COL4A6: variants seen among roughly 807,000 people sequenced by gnomAD.
COL4A6 encodes the protein collagen alpha-6(IV) chain.
In COL4A6, 59 loss-of-function variants were observed where a neutral mutation model predicts 126.7. That is an observed-to-expected ratio of 0.47 (90% CI 0.38 to 0.58). The LOEUF (loss-of-function observed/expected upper bound fraction) is 0.58. Among genes scored for constraint, COL4A6 ranks in the 20% least tolerant of loss-of-function variants. COL4A6 has a pLI of 0.00. For synonymous variants in COL4A6, 547 were observed against 496.6 expected (o/e 1.10, Z -1.35); for missense variants, 1,285 against 1,337.3 (o/e 0.96, Z 0.61).
chrX:108,259,203 A>G (rs1249443178), intron 3 of COL4A6, among the ~76,000 whole-genome samples: 1 of 111,086 alleles, frequency 9.0e-6, no homozygotes, highest in African/African-American at 3.3e-5. Context: ...AAGACCCCAC[A>G]GTTAATCCCA....
chrX:108,201,119 C>A (rs1165885297), intron 13 of COL4A6, among the ~76,000 whole-genome samples: 1 of 111,425 alleles, frequency 9.0e-6, no homozygotes, highest in Non-Finnish European at 1.9e-5. Flanking sequence ...TAATAAGAAT[C>A]ATCATAGAAG....
chrX:108,311,012 A>G (rs2038747774), intron 2 of COL4A6, among the ~76,000 whole-genome samples, 184 bp from the exon 3 acceptor site: 2 of 112,341 alleles, frequency 1.8e-5, no homozygotes, highest in African/African-American at 6.5e-5. Context: ...GTTCAGGTCT[A>G]TACCTTATCA....
Position 108,205,718 on chromosome X carries a change from A to G in COL4A6, c.610-23T>C, listed in dbSNP as rs779698091. 6 of 1,185,057 alleles carry G rather than the reference A, an allele frequency of 5.1e-6. No homozygotes were observed. The South Asian group carries it at 7.2e-5, about 14-fold the overall frequency. On this transcript the variant is annotated intron_variant, in intron 9 of 44. Transcript: ENST00000334504. ...ACCCTAGATTTTTTTTAAAAATAAG[A>G]AAGAGTTAGCACTTGTTAGTTTCAG...
chrX:108,309,521 A>G (rs972750253), intron 3 of COL4A6, among the ~76,000 whole-genome samples: 12 of 111,113 alleles, frequency 1.1e-4, no homozygotes, highest in Admixed American at 2.9e-4. Flanking sequence ...GAATAGATCT[A>G]GTCCCCTTTG....
intron 13 of COL4A6, among the ~76,000 whole-genome samples, chrX:108,199,016 T>C (rs1010396520): frequency 9.0e-6 from 1 of 111,144 alleles, no homozygotes; most frequent in East Asian, 2.8e-4. Context: ...TGTGAGTGTG[T>C]TGCTGGAGAC....
intron 3 of COL4A6, among the ~76,000 whole-genome samples, chrX:108,230,272 G>A (rs1320125341): frequency 8.9e-6 from 1 of 111,794 alleles, no homozygotes. Flanking sequence ...ACATAATTGT[G>A]GGGAAAATGC....
chrX:108,279,089 T>G (rs184738138), intron 3 of COL4A6, among the ~76,000 whole-genome samples: 3,296 of 111,451 alleles, frequency 0.03, 118 homozygotes, highest in African/African-American at 0.1. Flanking sequence ...ATCAACTAAC[T>G]AGCAAAATAA....
intron 2 of COL4A6, among the ~76,000 whole-genome samples, chrX:108,343,165 A>ATATATAGTGT (rs1377817612): frequency 3.5e-4 from 11 of 31,414 alleles, no homozygotes; most frequent in East Asian, 1.3e-3. Flanking sequence ...ATATATATAT[A>ATATATAGTGT]GTGTGTGTGT....
chrX:108,242,343 G>T (rs1014416215), intron 3 of COL4A6, among the ~76,000 whole-genome samples: 1 of 111,437 alleles, frequency 9.0e-6, no homozygotes, highest in Non-Finnish European at 1.9e-5. Flanking sequence ...TCCATTGCCA[G>T]ATCTTTTTCA....
Position 108,175,731 on chromosome X carries a change from G to C in COL4A6, c.2753C>G (p.Thr918Arg), listed in dbSNP as rs1268332100. 1 of 1,195,903 alleles carries C rather than the reference G, an allele frequency of 8.4e-7. No individual in the cohort carries two copies. The highest frequency in any genetic ancestry group is 1.1e-6 in the Non-Finnish European group (1 of 882,554). Residue 918 changes from threonine to arginine, a missense_variant, in exon 29 of 45, where the codon ACA (threonine) becomes AGA (arginine). Physicochemically the swap from Thr to Arg is moderately conservative, Grantham distance 71. Coordinates refer to ENST00000334504, the MANE Select transcript of COL4A6 (RefSeq NM_033641.4). ...GIPGLPGIPG[T>R]RGLKGIPGST... is the part of the protein sequence containing the mutation. Reference sequence around the variant, plus strand: ...TCCTGGAATTCCTTTTAATCCTCTTGTTCCAGGAATACCAGGCAGACCTGG... The same window carrying C: ...TCCTGGAATTCCTTTTAATCCTCTTCTTCCAGGAATACCAGGCAGACCTGG...
intron 3 of COL4A6, among the ~76,000 whole-genome samples, chrX:108,298,778 C>G (rs753703898): frequency 9.1e-6 from 1 of 109,380 alleles, no homozygotes; most frequent in Non-Finnish European, 1.9e-5. Context: ...TCTGGTGCCT[C>G]CAAGGGACCT....
At chrX:108,339,775 G>A (rs775985350) in intron 2 of COL4A6, among the ~76,000 whole-genome samples, 15 of 111,269 alleles carry the variant, frequency 1.3e-4, no homozygotes, top group African/African-American at 4.9e-4. Context: ...CTTAGCCTCC[G>A]TTTAATCTTT....
intron 3 of COL4A6, among the ~76,000 whole-genome samples, chrX:108,270,892 C>T (rs980439960): frequency 2.7e-5 from 3 of 110,920 alleles, no homozygotes; most frequent in Admixed American, 9.6e-5. Context: ...CCCGAGGATC[C>T]ATCCCAATGA....
chrX:108,362,078 TGTGAGA>T (rs1192643671), intron 2 of COL4A6, among the ~76,000 whole-genome samples: 5 of 110,275 alleles, frequency 4.5e-5, no homozygotes, highest in Admixed American at 1.9e-4. Flanking sequence ...TGTGTGTGTG[TGTGAGA>T]GAGAGAAAGA....
intron 2 of COL4A6, among the ~76,000 whole-genome samples, chrX:108,389,225 A>G (rs1247996621): frequency 5.4e-5 from 6 of 111,865 alleles, no homozygotes; most frequent in East Asian, 5.6e-4. Context: ...GTAGATGTCT[A>G]TTAGGTCCAC....
intron 2 of COL4A6, among the ~76,000 whole-genome samples, chrX:108,325,509 T>A (rs1437277221): frequency 9.0e-6 from 1 of 111,694 alleles, no homozygotes; most frequent in East Asian, 2.8e-4. Context: ...ATGGCCTCAC[T>A]GGTGATTTCT....
chrX:108,204,968 T>G, intron 11 of COL4A6, among the ~76,000 whole-genome samples: 1 of 106,135 alleles, frequency 9.4e-6, no homozygotes, highest in African/African-American at 3.5e-5. Context: ...AAAGAGAGGT[T>G]AAAGAAGAGA....
At chrX:108,324,362 T>C (rs2039102089) in intron 2 of COL4A6, among the ~76,000 whole-genome samples, 1 of 111,938 alleles carries the variant, frequency 8.9e-6, no homozygotes, top group Non-Finnish European at 1.9e-5. Context: ...ATACAGGTCA[T>C]TTCCACATTT....
intron 2 of COL4A6, among the ~76,000 whole-genome samples, chrX:108,323,133 T>G (rs1462436864): frequency 8.9e-6 from 1 of 112,064 alleles, no homozygotes; most frequent in Non-Finnish European, 1.9e-5. Flanking sequence ...TGCTTTCTTA[T>G]ATGCTTTCCA....
Sources: allele counts gnomAD v4.1 joint callset (sites outside exome capture counted in the v4.1 genomes callset), GRCh38; gene constraint gnomAD v4.1.1; transcripts MANE v1.5; gene names NCBI Gene and HGNC (gene_info 2026-07-23, HGNC 2026-07-21).